GRK7: variants seen among roughly 807,000 people sequenced by gnomAD.
GRK7 encodes the protein G protein-coupled receptor kinase 7.
GRK7 carries 24 observed loss-of-function variants against 34.1 expected under a neutral mutation model. The observed-to-expected ratio is 0.70, with a 90% confidence interval of 0.51 to 0.99. GRK7 has a LOEUF of 0.99. Ranked by LOEUF, GRK7 falls within the 50% of genes least tolerant of loss-of-function variation. The pLI, the probability that GRK7 is intolerant of heterozygous loss-of-function variation, is 0.00. For synonymous variants in GRK7, 256 were observed against 279.4 expected (o/e 0.92, Z 0.84); for missense variants, 644 against 707.3 (o/e 0.91, Z 1.02).
intron 5 of GRK7, among the ~76,000 whole-genome samples, chr3:141,816,346 C>T (rs944057564): frequency 6.6e-5 from 10 of 152,092 alleles, no homozygotes; most frequent in Non-Finnish European, 1.3e-4. Flanking sequence ...ATATGCTTAA[C>T]TTGTTCTGTG....
chr3:141,815,226 G>GT (rs758074179), intron 5 of GRK7, among the ~76,000 whole-genome samples: 71 of 104,326 alleles, frequency 6.8e-4, no homozygotes, highest in Non-Finnish European at 1.1e-3. Flanking sequence ...TGTCTGGTTG[G>GT]TTTTTTTTGT....
chr3:141,775,732 G>T (rs2084635908), intron 2 of GRK7, among the ~76,000 whole-genome samples: 1 of 151,526 alleles, frequency 6.6e-6, no homozygotes, highest in Non-Finnish European at 1.5e-5. Flanking sequence ...ATGTTGAAAT[G>T]ATAATATTTT....
chr3:141,788,053 A>G lies in GRK7; in HGVS notation c.1050+7242A>G, dbSNP rs58633710. On this transcript the variant is annotated intron_variant, in intron 4 of 5. Transcript: ENST00000682958. ...AAAAACGAGAACAAAAACAAATAAT[A>G]CCTACTGCCTATTTTAATAGAACTG... is the stretch of plus-strand genomic sequence containing the variant. Among the ~76,000 whole-genome samples the G allele has an allele frequency of 2.8e-3, 430 of 152,160 alleles. 4 individuals are homozygous for G. Among genetic ancestry groups the G allele is most frequent in the African/African-American group, 1.0e-2 (415 of 41,506 alleles).
chr3:141,780,362 T>C lies in GRK7; in HGVS notation c.613-12T>C, dbSNP rs746903414. 1 of 1,608,104 alleles carries C rather than the reference T, an allele frequency of 6.2e-7. No individual in the cohort carries two copies. Among genetic ancestry groups the C allele is most frequent in the Admixed American group, 1.7e-5 (1 of 59,154 alleles). On this transcript the variant is annotated splice_polypyrimidine_tract_variant and intron_variant, in intron 3 of 5. Coordinates refer to ENST00000682958, the MANE Select transcript of GRK7 (RefSeq NM_139209.3). ...CTTCTACCTCTTTCTCTTCTTTTCT[T>C]TCTCCTTTAAGGTATGTGCCGTCCA... is the stretch of plus-strand genomic sequence containing the variant.
intron 5 of GRK7, among the ~76,000 whole-genome samples, chr3:141,813,368 C>T (rs1017465312): frequency 3.9e-5 from 6 of 152,188 alleles, no homozygotes; most frequent in African/African-American, 1.2e-4. Context: ...CTCAGGAGAT[C>T]CACCCGCTTT....
chr3:141,792,278 C>T (rs146901997), intron 4 of GRK7, among the ~76,000 whole-genome samples: 3,134 of 151,956 alleles, frequency 0.021, 58 homozygotes, highest in Non-Finnish European at 0.032. Context: ...GTAGCACATG[C>T]CTGTAGTCCC....
At chr3:141,806,597 A>G (rs1007803613) in intron 4 of GRK7, among the ~76,000 whole-genome samples, 1 of 152,006 alleles carries the variant, frequency 6.6e-6, no homozygotes, top group Non-Finnish European at 1.5e-5. Flanking sequence ...ACACACATAT[A>G]TATTTGAGTA....
Position 141,787,840 on chromosome 3 carries a change from T to C in GRK7, c.1050+7029T>C, listed in dbSNP as rs559205921. 1.1e-4 allele frequency among the ~76,000 whole-genome samples: 14 copies of C among 128,418 alleles called. No individual in the cohort carries two copies. In the South Asian group the frequency reaches 3.2e-3, roughly 29 times the overall value. 84.2% of individuals were successfully genotyped at this position (128,418 alleles called of 152,430 possible). A position where few individuals can be genotyped will look rare whatever the true frequency, so the allele number is the denominator to read the frequency against. On this transcript the variant is annotated intron_variant, in intron 4 of 5. Transcript: ENST00000682958. ...CTAGGCAACATAGCAAGACTTTGTC[T>C]CTTAAAAAAAAAAAAAAAAATTACC...
At position 141,817,137 on chromosome 3, in the gene GRK7, C is replaced by A; in HGVS notation, c.*87C>A. The A allele has an allele frequency of 9.5e-7, 1 of 1,049,328 alleles. No individual in the cohort carries two copies. Among genetic ancestry groups the A allele is most frequent in the Non-Finnish European group, 1.4e-6 (1 of 721,378 alleles). The allele number at this position is 1,049,328 out of a possible 1,614,324, so 65.0% of individuals were successfully genotyped here. A position where few individuals can be genotyped will look rare whatever the true frequency, so the allele number is the denominator to read the frequency against. Reference sequence around the variant, plus strand: ...CACGTGGAAATCTGTGGAATGAGGGCTAATCAGTTAGGAGGGACATCACAA... The same window carrying A: ...CACGTGGAAATCTGTGGAATGAGGGATAATCAGTTAGGAGGGACATCACAA... On this transcript the variant is annotated 3_prime_UTR_variant, in exon 6 of 6. Transcript: ENST00000682958.
At chr3:141,805,066 A>G (rs1423436770) in intron 4 of GRK7, among the ~76,000 whole-genome samples, 1 of 151,428 alleles carries the variant, frequency 6.6e-6, no homozygotes, top group African/African-American at 2.4e-5. Context: ...GCCCACACAC[A>G]CACACACACA....
rs1200226612 is a variant in GRK7 at position 141,807,702 on chromosome 3, T to C, written c.1108T>C (p.Tyr370His). The change falls in exon 5 of 6, where the codon TAT (tyrosine) becomes CAT (histidine). Residue 370 changes from tyrosine to histidine, a missense_variant. Coordinates refer to ENST00000682958, the MANE Select transcript of GRK7 (RefSeq NM_139209.3). The stretch of plus-strand genomic sequence containing the variant: ...CCTAATGGAAAAGGTAAGTTATTCC[T>C]ATCCTGTGGACTGGTTTGCCATGGG... The part of the protein sequence containing the change: ...EILMEKVSYS[Y>H]PVDWFAMGCS... 1 of 1,614,110 alleles carries C rather than the reference T, an allele frequency of 6.2e-7. No homozygotes were observed. The highest frequency in any genetic ancestry group is 2.2e-5 in the East Asian group (1 of 44,894).
chr3:141,797,372 C>A (rs1419939074), intron 4 of GRK7, among the ~76,000 whole-genome samples: 1 of 152,168 alleles, frequency 6.6e-6, no homozygotes, highest in African/African-American at 2.4e-5. Flanking sequence ...CGAGCTAAGT[C>A]CCCTGGGGTC....
chr3:141,783,917 C>T (rs957801099), intron 4 of GRK7, among the ~76,000 whole-genome samples: 2 of 152,104 alleles, frequency 1.3e-5, no homozygotes, highest in Non-Finnish European at 2.9e-5. Flanking sequence ...AACACAGGAA[C>T]GCTGTGAATC....
chr3:141,778,409 T>A lies in GRK7; in HGVS notation c.125T>A (p.Leu42Gln). ...CGGCGTAGCCTGGCCCTGCCCGGGC[T>A]GCAGGGCTGCGCGGAGCTCCGCCAG... ...RRRRSLALPGLQGCAELRQKL... is the reference protein window; with the variant it reads ...RRRRSLALPGQQGCAELRQKL... The change falls in exon 3 of 6, where the codon CTG (leucine) becomes CAG (glutamine). Residue 42 changes from leucine to glutamine, a missense_variant. Coordinates refer to ENST00000682958, the MANE Select transcript of GRK7 (RefSeq NM_139209.3). This position sits in a 1 kb window ranked among gnomAD's most constrained non-coding sequence, Gnocchi z 4.1. The A allele has an allele frequency of 6.2e-7, 1 of 1,612,714 alleles. No individual in the cohort carries two copies. Among genetic ancestry groups the A allele is most frequent in the Non-Finnish European group, 8.5e-7 (1 of 1,179,788 alleles).
chr3:141,797,001 C>T (rs530201218), intron 4 of GRK7, among the ~76,000 whole-genome samples: 1 of 152,330 alleles, frequency 6.6e-6, no homozygotes, highest in East Asian at 1.9e-4. Context: ...ACTGTTGAGG[C>T]TCAGAGGGGT....
At chr3:141,755,696 A>C in the GRK7 span, among the ~76,000 whole-genome samples, 2 of 152,222 alleles carry the variant, frequency 1.3e-5, no homozygotes, top group Middle Eastern at 3.4e-3. Context: ...GTCTTGATGA[A>C]CATGTAGAGG....
chr3:141,784,297 A>T (rs377416159), intron 4 of GRK7, among the ~76,000 whole-genome samples: 1 of 152,212 alleles, frequency 6.6e-6, no homozygotes, highest in African/African-American at 2.4e-5. Flanking sequence ...CACTGCCTAC[A>T]GACCTTTGGC....
rs79770254 is a variant in GRK7 at position 141,817,085 on chromosome 3, C to T, written c.*35C>T. On this transcript the variant is annotated 3_prime_UTR_variant, in exon 6 of 6. Transcript: ENST00000682958. ...TTTACCAGACAGGCAGCAGGAGTCT[C>T]GGCTGACATAATCCTCGAATGTTCC... 1,523 of 1,469,696 alleles carry T rather than the reference C, an allele frequency of 1.0e-3. 5 individuals are homozygous for T. The African/African-American group carries it at 0.019, about 18-fold the overall frequency. 91.0% of individuals were successfully genotyped at this position (1,469,696 alleles called of 1,614,324 possible). A position where few individuals can be genotyped will look rare whatever the true frequency, so the allele number is the denominator to read the frequency against.
At chr3:141,813,073 T>A (rs892108327) in intron 5 of GRK7, among the ~76,000 whole-genome samples, 1 of 152,186 alleles carries the variant, frequency 6.6e-6, no homozygotes, top group Admixed American at 6.5e-5. Flanking sequence ...TGAATATTTC[T>A]GTGTAAATTA....
Sources: allele counts gnomAD v4.1 joint callset (sites outside exome capture counted in the v4.1 genomes callset), GRCh38; gene constraint gnomAD v4.1.1; non-coding constraint Gnocchi (gnomAD v3.1); transcripts MANE v1.5; gene names NCBI Gene and HGNC (gene_info 2026-07-23, HGNC 2026-07-21).